The following KDM2A variants were observed in gnomAD, a reference collection of about 807,000 sequenced individuals.
The protein encoded by KDM2A is lysine-specific demethylase 2A.
In KDM2A, 3 loss-of-function variants were observed where a neutral mutation model predicts 137.3. That is an observed-to-expected ratio of 0.02 (90% CI 0.01 to 0.06). KDM2A has a LOEUF of 0.06. Ranked by LOEUF, KDM2A falls within the 10% of genes least tolerant of loss-of-function variation. The pLI, the probability that KDM2A is intolerant of heterozygous loss-of-function variation, is 1.00. For synonymous variants in KDM2A, 512 were observed against 541.5 expected (o/e 0.95, Z 0.76); for missense variants, 738 against 1,510.6 (o/e 0.49, Z 8.48).
In KDM2A at chr11:67,171,837, TC is replaced by T. The variant is rs576869528; in HGVS notation, c.43-8241del. The stretch of plus-strand genomic sequence containing the variant: ...CTGGTCTTGGCATGCTTACTGAAAA[TC>T]AATTCACTGTAAGTGTAAGAGTTTA... On this transcript the variant is annotated intron_variant, in intron 2 of 20. Coordinates refer to ENST00000529006, the MANE Select transcript of KDM2A (RefSeq NM_012308.3). Among the ~76,000 whole-genome samples the T allele has an allele frequency of 1.3e-4, 20 of 152,366 alleles. No homozygotes were observed. The South Asian group carries it at 3.9e-3, about 30-fold the overall frequency.
chr11:67,256,596 T>C lies in KDM2A; in HGVS notation c.*1541T>C. 1 of 152,770 alleles carries C rather than the reference T, an allele frequency of 6.5e-6. No homozygotes were observed. The highest frequency in any genetic ancestry group is 1.9e-4 in the East Asian group (1 of 5,160). 9.5% of individuals were successfully genotyped at this position (152,770 alleles called of 1,614,324 possible). Reference sequence around the variant, plus strand: ...CTTCCTGTAGCCCAGTCTCAGGCTTTCCTCTTCCTGAAGCCCTACAGAGTT... The same window carrying C: ...CTTCCTGTAGCCCAGTCTCAGGCTTCCCTCTTCCTGAAGCCCTACAGAGTT... On this transcript the variant is annotated 3_prime_UTR_variant, in exon 21 of 21. Coordinates refer to ENST00000529006, the MANE Select transcript of KDM2A (RefSeq NM_012308.3).
In KDM2A at chr11:67,246,056, T is replaced by C. The variant is rs756648088; in HGVS notation, c.1905T>C (p.Phe635=). ...EVDQNEETQD[F]EKKLMECCIC... ...ATCAGAATGAAGAGACACAAGACTT[T>C]GAGAAGAAACTCATGGAATGCTGTA... The change falls in exon 15 of 21, where the codon TTT becomes TTC. Residue 635 remains phenylalanine (F), a synonymous_variant. Coordinates refer to ENST00000529006, the MANE Select transcript of KDM2A (RefSeq NM_012308.3). 4 of 1,614,004 alleles carry C rather than the reference T, an allele frequency of 2.5e-6. No homozygotes were observed. The highest frequency in any genetic ancestry group is 1.6e-4 in the Middle Eastern group (1 of 6,062).
intron 12 of KDM2A, among the ~76,000 whole-genome samples, chr11:67,242,280 G>C (rs200150872): frequency 3.5e-4 from 1 of 2,854 alleles, no homozygotes; most frequent in African/African-American, 4.9e-4. Flanking sequence ...GTGTGTGTAT[G>C]TGTGTGTGTG....
intron 11 of KDM2A, among the ~76,000 whole-genome samples, chr11:67,230,867 GT>G (rs1318720896): frequency 1.3e-5 from 2 of 151,254 alleles, no homozygotes. Context: ...TAGTCACTTT[GT>G]TTTGTTACTT....
chr11:67,154,717 G>T, intron 2 of KDM2A, among the ~76,000 whole-genome samples: 1 of 152,158 alleles, frequency 6.6e-6, no homozygotes, highest in East Asian at 1.9e-4. Context: ...GGGATTACAG[G>T]CATGAACCAC....
At chr11:67,196,238 A>G in intron 5 of KDM2A, 1 of 456,200 alleles carries the variant, frequency 2.2e-6, no homozygotes, top group Non-Finnish European at 4.4e-6. Context: ...CATGAGCCTC[A>G]GATGCAGGCT....
intron 13 of KDM2A, among the ~76,000 whole-genome samples, chr11:67,244,192 T>A (rs573873876): frequency 6.6e-6 from 1 of 152,328 alleles, no homozygotes; most frequent in South Asian, 2.1e-4. Context: ...TTTCTGGTTG[T>A]TGAGTATTTT....
chr11:67,188,522 G>C (rs1428820901), intron 5 of KDM2A, among the ~76,000 whole-genome samples: 1 of 149,462 alleles, frequency 6.7e-6, no homozygotes, highest in African/African-American at 2.5e-5. Flanking sequence ...TGGGCATGGT[G>C]CCTCACACGT....
intron 11 of KDM2A, among the ~76,000 whole-genome samples, chr11:67,231,119 G>A (rs1335758054): frequency 6.6e-6 from 1 of 151,908 alleles, no homozygotes; most frequent in Non-Finnish European, 1.5e-5. Flanking sequence ...ACTATACCCA[G>A]CTAATTTTTT....
intron 2 of KDM2A, among the ~76,000 whole-genome samples, chr11:67,177,430 C>T (rs1856994539): frequency 6.6e-6 from 1 of 152,084 alleles, no homozygotes; most frequent in African/African-American, 2.4e-5. Flanking sequence ...TATCCTTATT[C>T]TATAAGCTTT....
chr11:67,207,272 G>C (rs1357522166), intron 5 of KDM2A, among the ~76,000 whole-genome samples: 2 of 152,148 alleles, frequency 1.3e-5, no homozygotes, highest in African/African-American at 4.8e-5. Flanking sequence ...TTAGATAAAA[G>C]AGTCAACAAC....
chr11:67,250,219 T>G lies in KDM2A; in HGVS notation c.2189T>G (p.Val730Gly), dbSNP rs1327971720. The change falls in exon 17 of 21, where the codon GTT (valine) becomes GGT (glycine). Residue 730 changes from valine to glycine, a missense_variant. Coordinates refer to ENST00000529006, the MANE Select transcript of KDM2A (RefSeq NM_012308.3). This position sits in a 1 kb window ranked among gnomAD's most constrained non-coding sequence, Gnocchi z 7.1. Reference sequence around the variant, plus strand: ...ATGCTGCAGCTCATCCATGACCCGGTTTCCCCCCGGGGTATGGTGACTCGG... The same window carrying G: ...ATGCTGCAGCTCATCCATGACCCGGGTTCCCCCCGGGGTATGGTGACTCGG... ...TSMLQLIHDPVSPRGMVTRSS... is the reference protein window; with the variant it reads ...TSMLQLIHDPGSPRGMVTRSS... 6.2e-7 allele frequency: 1 copy of G among 1,613,500 alleles called. No homozygotes were observed. The highest frequency in any genetic ancestry group is 8.5e-7 in the Non-Finnish European group (1 of 1,179,758).
chr11:67,152,462 G>A (rs1326651780), intron 2 of KDM2A, among the ~76,000 whole-genome samples: 1 of 151,778 alleles, frequency 6.6e-6, no homozygotes, highest in African/African-American at 2.4e-5. Flanking sequence ...ATAAAAATTA[G>A]CTGGGCATGG....
rs1859369528 is a variant in KDM2A at position 67,250,249 on chromosome 11, CCCCTGGGGCTGG to C, written c.2223_2234del (p.Gly742_Pro745del). Reference sequence around the variant, plus strand: ...CCCCGGGGTATGGTGACTCGGTCATCCCCTGGGGCTGGCCCCAGCGACCACCACAGTGCCAGC... The same window carrying C: ...CCCCGGGGTATGGTGACTCGGTCATCCCCCAGCGACCACCACAGTGCCAGC... On this transcript the variant is annotated inframe_deletion, in exon 17 of 21. Coordinates refer to ENST00000529006, the MANE Select transcript of KDM2A (RefSeq NM_012308.3). This position sits in a 1 kb window ranked among gnomAD's most constrained non-coding sequence, Gnocchi z 7.1. 1 of 1,613,756 alleles carries C rather than the reference CCCCTGGGGCTGG, an allele frequency of 6.2e-7. No homozygotes were observed. The highest frequency in any genetic ancestry group is 1.3e-5 in the African/African-American group (1 of 74,916).
chr11:67,232,036 T>C, intron 12 of KDM2A, 76 bp downstream of exon 12: 1 of 1,441,908 alleles, frequency 6.9e-7, no homozygotes, highest in Non-Finnish European at 9.3e-7. Flanking sequence ...AGGGAGAAAA[T>C]ATAGGAATTT....
intron 2 of KDM2A, 68 bp downstream of exon 2, chr11:67,121,426 T>C: frequency 6.9e-7 from 1 of 1,453,672 alleles, no homozygotes; most frequent in Non-Finnish European, 9.7e-7. Context: ...TTTCCAGTTG[T>C]GAATATACTG....
intron 2 of KDM2A, among the ~76,000 whole-genome samples, chr11:67,151,763 A>G (rs1856395667): frequency 6.6e-6 from 1 of 152,070 alleles, no homozygotes; most frequent in South Asian, 2.1e-4. Flanking sequence ...TTATTTTTAT[A>G]GAGACAGGGT....
intron 2 of KDM2A, among the ~76,000 whole-genome samples, chr11:67,153,260 A>G (rs1430686568): frequency 6.6e-6 from 1 of 152,118 alleles, no homozygotes; most frequent in Non-Finnish European, 1.5e-5. Context: ...CTGGGATTAC[A>G]GGTGTGAGCC....
chr11:67,183,305 T>C (rs934692169), intron 5 of KDM2A, among the ~76,000 whole-genome samples: 1 of 152,244 alleles, frequency 6.6e-6, no homozygotes, highest in African/African-American at 2.4e-5. Context: ...TTGACCTCTT[T>C]TATTAAAGAG....
Sources: gnomAD v4.1 joint callset for allele counts (sites outside exome capture counted in the v4.1 genomes callset) on GRCh38, gnomAD v4.1.1 for gene constraint, Gnocchi (gnomAD v3.1) non-coding constraint, MANE v1.5 for transcripts, NCBI Gene and HGNC (gene_info 2026-07-23, HGNC 2026-07-21) for gene names.